The following DCT variants were observed in gnomAD, a reference collection of about 807,000 sequenced individuals.
DCT encodes the protein dopachrome tautomerase, also known as L-dopachrome tautomerase.
In DCT, 47 loss-of-function variants were observed where a neutral mutation model predicts 53.0. The observed-to-expected ratio is 0.89, with a 90% CI of 0.70 to 1.13. The LOEUF is 1.13. DCT is among the 50% of genes most tolerant of loss of function. The probability of loss-of-function intolerance (pLI) is 0.00; values close to 1 mark genes in which losing one functional copy is unlikely to be tolerated. For synonymous variants in DCT, 244 were observed against 237.0 expected, an observed-to-expected ratio of 1.03 and a Z score of -0.27; for missense variants, 669 against 637.4, an observed-to-expected ratio of 1.05 and a Z score of -0.53.
chr13:94,483,918 C>T (rs1329603175), upstream of DCT, among the ~76,000 whole-genome samples: 3 of 152,184 alleles, frequency 2.0e-5, no homozygotes, highest in African/African-American at 4.8e-5. Flanking sequence ...GTTCCTGCTA[C>T]GATCTAAGCA....
At chr13:94,494,247 A>G in the DCT span, among the ~76,000 whole-genome samples, 11 of 151,990 alleles carry the variant, frequency 7.2e-5, no homozygotes. Flanking sequence ...GGCCTCCCCG[A>G]TCCTGGCTCC....
chr13:94,489,635 C>T, the DCT span, among the ~76,000 whole-genome samples: 1 of 152,126 alleles, frequency 6.6e-6, no homozygotes, highest in African/African-American at 2.4e-5. Flanking sequence ...TGAAAAATTA[C>T]TACCTTCATA....
the DCT span, among the ~76,000 whole-genome samples, chr13:94,532,872 T>A: frequency 6.6e-6 from 1 of 151,986 alleles, no homozygotes; most frequent in African/African-American, 2.4e-5. Flanking sequence ...TTGTGACCTT[T>A]CTCCCCCATT....
the DCT span, among the ~76,000 whole-genome samples, chr13:94,532,398 AATG>A: frequency 6.6e-6 from 1 of 152,218 alleles, no homozygotes; most frequent in African/African-American, 2.4e-5. Flanking sequence ...CATGTCCATC[AATG>A]ATAGACTGGA....
chr13:94,545,295 C>T, the DCT span, among the ~76,000 whole-genome samples: 1 of 151,988 alleles, frequency 6.6e-6, no homozygotes, highest in Non-Finnish European at 1.5e-5. Flanking sequence ...TATATAAAAA[C>T]AGAACTGTGA....
At chr13:94,520,847 T>C in the DCT span, among the ~76,000 whole-genome samples, 8 of 152,344 alleles carry the variant, frequency 5.3e-5, no homozygotes, top group Non-Finnish European at 1.2e-4. Context: ...CCAGAAAATA[T>C]AGATTCTGCT....
rs937111402 is a variant in DCT, at chr13:94,438,044, T to C, written c.*1854A>G. On this transcript the variant is annotated 3_prime_UTR_variant, in exon 8 of 8. Coordinates refer to ENST00000377028, the MANE Select transcript of DCT (RefSeq NM_001922.5). The stretch of plus-strand genomic sequence containing the variant: ...GAAATTATTCGTAATAGTTCACTTA[T>C]AAAAAGTAACTTCTGGCGCTTTTAA... 5 of 152,256 alleles carry C rather than the reference T, an allele frequency of 3.3e-5. No individual in the cohort carries two copies. The highest frequency in any genetic ancestry group is 1.2e-4 in the African/African-American group (5 of 41,466). 9.4% of individuals were successfully genotyped at this position (152,256 alleles called of 1,614,324 possible).
chr13:94,532,432 T>C, the DCT span, among the ~76,000 whole-genome samples: 16 of 152,274 alleles, frequency 1.1e-4, no homozygotes, highest in African/African-American at 3.9e-4. Context: ...GTGGCATGTA[T>C]ACACCATGGA....
intron 1 of DCT, among the ~76,000 whole-genome samples, chr13:94,470,679 C>G (rs750781389): frequency 6.6e-6 from 1 of 152,182 alleles, no homozygotes; most frequent in Non-Finnish European, 1.5e-5. Context: ...TCCTGAAACA[C>G]TTTTCCCTCA....
chr13:94,439,844 A>G lies in DCT; in HGVS notation c.*54T>C. 7.4e-7 allele frequency: 1 copy of G among 1,358,858 alleles called. No individual in the cohort carries two copies. 84.2% of individuals were successfully genotyped at this position (1,358,858 alleles called of 1,614,324 possible). On this transcript the variant is annotated 3_prime_UTR_variant, in exon 8 of 8. Coordinates refer to ENST00000377028, the MANE Select transcript of DCT (RefSeq NM_001922.5). ...AGTGAGGATTAGTTCCTTTATTGTCAGCGTCAGAACTGTGGCTTGGCCAGC... is the reference window on the plus strand; with the variant it reads ...AGTGAGGATTAGTTCCTTTATTGTCGGCGTCAGAACTGTGGCTTGGCCAGC...
In DCT at chr13:94,466,657, T is replaced by C. The variant is rs141184700; in HGVS notation, c.597A>G (p.Gly199=). 6 of 1,587,670 alleles carry C rather than the reference T, an allele frequency of 3.8e-6. No homozygotes were observed. The highest frequency in any genetic ancestry group is 2.7e-5 in the African/African-American group (2 of 73,524). ...HYYSVRDTLL[G]PGRPYRAIDF... ...CTATGGCCCTGTAGGGGCGTCCTGG[T>C]CCTGAAACAATTGGGAAACATATTA... Residue 199 remains glycine, a splice_region_variant and synonymous_variant, in exon 3 of 8, where the codon GGA becomes GGG. Transcript: ENST00000377028.
intron 4 of DCT, 59 bp from the exon 5 acceptor site, chr13:94,462,248 C>T: frequency 7.4e-7 from 1 of 1,342,846 alleles, no homozygotes; most frequent in Middle Eastern, 1.8e-4. Context: ...TGGCTCACGT[C>T]TGTAATCCCA....
chr13:94,527,864 C>A, the DCT span, among the ~76,000 whole-genome samples: 1 of 147,310 alleles, frequency 6.8e-6, no homozygotes, highest in African/African-American at 2.6e-5. Context: ...ATGTTCTAAC[C>A]CATCACAAGA....
chr13:94,490,600 C>T, the DCT span, among the ~76,000 whole-genome samples: 2 of 150,572 alleles, frequency 1.3e-5, no homozygotes, highest in South Asian at 2.1e-4. Context: ...TGAATCTCAC[C>T]TGCACTCATT....
the DCT span, among the ~76,000 whole-genome samples, chr13:94,548,915 G>C: frequency 1.3e-5 from 2 of 151,690 alleles, no homozygotes; most frequent in African/African-American, 2.4e-5. Context: ...TGCCAGAGCT[G>C]CCTATCCAGG....
intron 3 of DCT, among the ~76,000 whole-genome samples, chr13:94,466,190 GAA>G (rs1008152600): frequency 3.3e-5 from 5 of 151,302 alleles, no homozygotes; most frequent in African/African-American, 4.9e-5. Context: ...GAAGAAAAAA[GAA>G]AAAGAGTGAA....
the DCT span, among the ~76,000 whole-genome samples, chr13:94,492,898 C>A: frequency 0.016 from 2,408 of 152,166 alleles, 64 homozygotes; most frequent in African/African-American, 0.056. Context: ...ATATTGACCC[C>A]TGATCGACGT....
chr13:94,477,854 C>T (rs1357802769), intron 1 of DCT, among the ~76,000 whole-genome samples: 1 of 152,164 alleles, frequency 6.6e-6, no homozygotes, highest in Non-Finnish European at 1.5e-5. Context: ...ACAACAGTGT[C>T]CAAGGGCTTT....
chr13:94,472,541 TATATATATATATATATATA>T (rs1566854837), intron 1 of DCT, among the ~76,000 whole-genome samples: 2 of 27,968 alleles, frequency 7.2e-5, no homozygotes, highest in African/African-American at 3.4e-4. Flanking sequence ...TATATATATA[TATATATATATATATATATA>T]TATATATATT....
Sources: gnomAD v4.1 joint callset for allele counts (sites outside exome capture counted in the v4.1 genomes callset) on GRCh38, gnomAD v4.1.1 for gene constraint, MANE v1.5 for transcripts, NCBI Gene and HGNC (gene_info 2026-07-23, HGNC 2026-07-21) for gene names.